C10orf90: variants seen among roughly 807,000 people sequenced by gnomAD.
C10orf90 encodes the protein chromosome 10 open reading frame 90, also known as (E2-independent) E3 ubiquitin-conjugating enzyme FATS.
In C10orf90, 56 loss-of-function variants were observed where a neutral mutation model predicts 62.5. The observed-to-expected ratio is 0.90, with a 90% confidence interval of 0.72 to 1.12. The LOEUF (loss-of-function observed/expected upper bound fraction) is 1.12. Among genes scored for constraint, C10orf90 ranks in the 50% most tolerant of loss-of-function variants. The probability of loss-of-function intolerance (pLI) is 0.00; values close to 1 mark genes in which losing one functional copy is unlikely to be tolerated. For missense variants in C10orf90, 970 were observed against 880.4 expected (o/e 1.10, Z -1.29); for synonymous variants, 386 against 340.4 (o/e 1.13, Z -1.47).
At chr10:126,494,084 AT>A (rs1004633129) in intron 4 of C10orf90, among the ~76,000 whole-genome samples, 2 of 152,312 alleles carry the variant, frequency 1.3e-5, no homozygotes, top group African/African-American at 4.8e-5. Context: ...ACTCAAAGTC[AT>A]TTGTTCACTA....
intron 1 of C10orf90, among the ~76,000 whole-genome samples, chr10:126,662,621 A>G (rs938743213): frequency 3.3e-5 from 5 of 152,080 alleles, no homozygotes; most frequent in Admixed American, 6.5e-5. Flanking sequence ...TCTGCCTAAA[A>G]TGTCCTCCCC....
chr10:126,542,113 G>C, intron 2 of C10orf90, among the ~76,000 whole-genome samples: 1 of 152,156 alleles, frequency 6.6e-6, no homozygotes, highest in African/African-American at 2.4e-5. Context: ...GTCCAGAGTA[G>C]GTAAATTTAC....
chr10:126,665,801 T>C (rs1187592271), intron 1 of C10orf90, among the ~76,000 whole-genome samples: 1 of 152,150 alleles, frequency 6.6e-6, no homozygotes, highest in Non-Finnish European at 1.5e-5. Flanking sequence ...GAGGCCAATG[T>C]AGCTGGAATT....
At chr10:126,653,937 A>G (rs1202145141) in intron 1 of C10orf90, among the ~76,000 whole-genome samples, 1 of 152,222 alleles carries the variant, frequency 6.6e-6, no homozygotes, top group Non-Finnish European at 1.5e-5. Context: ...AACTGGGTAC[A>G]TTGTCAATGA....
At position 126,447,946 on chromosome 10, in the gene C10orf90, G is replaced by C. The variant is rs185679501; in HGVS notation, c.2188+11094C>G. ...GGCTCAGTGCAACCTCCGCCTCCGGGGTTCAAGTGACTCTCCTGCCTCAGC... is the reference window on the plus strand; with the variant it reads ...GGCTCAGTGCAACCTCCGCCTCCGGCGTTCAAGTGACTCTCCTGCCTCAGC... On this transcript the variant is annotated intron_variant, in intron 7 of 9. Transcript: ENST00000488181. Among the ~76,000 whole-genome samples, 6 of 151,900 alleles carry C rather than the reference G, an allele frequency of 3.9e-5. No individual in the cohort carries two copies. In the East Asian group the frequency reaches 1.2e-3, roughly 29 times the overall value.
chr10:126,545,974 A>G (rs1864480403), intron 2 of C10orf90, among the ~76,000 whole-genome samples: 1 of 152,202 alleles, frequency 6.6e-6, no homozygotes, highest in Non-Finnish European at 1.5e-5. Flanking sequence ...GAGAGGAGAA[A>G]GACTAGCTAT....
chr10:126,603,978 G>A (rs4962578), intron 2 of C10orf90, among the ~76,000 whole-genome samples: 29,046 of 152,076 alleles, frequency 0.19, 2,915 homozygotes, highest in South Asian at 0.34. Context: ...ACTCAAGCTC[G>A]TCAAAAGTGG....
At chr10:126,534,080 C>A (rs1864171905) in intron 2 of C10orf90, among the ~76,000 whole-genome samples, 1 of 152,188 alleles carries the variant, frequency 6.6e-6, no homozygotes, top group Non-Finnish European at 1.5e-5. Context: ...ATCTGCTCTT[C>A]CCTGTCCTCC....
At chr10:126,580,616 GCAC>G (rs1844727451) in intron 2 of C10orf90, among the ~76,000 whole-genome samples, 1 of 147,968 alleles carries the variant, frequency 6.8e-6, no homozygotes, top group African/African-American at 2.5e-5. Flanking sequence ...TTGTGCCACT[GCAC>G]TCCAGCCTGG....
At chr10:126,555,522 AC>A (rs1192304601) in intron 2 of C10orf90, among the ~76,000 whole-genome samples, 4 of 8,950 alleles carry the variant, frequency 4.5e-4, no homozygotes, top group Non-Finnish European at 6.7e-4. Flanking sequence ...AAAAAAAAAA[AC>A]AAAAAATTAG....
intron 2 of C10orf90, among the ~76,000 whole-genome samples, chr10:126,613,539 C>T (rs1407995742): frequency 6.6e-6 from 1 of 152,204 alleles, no homozygotes; most frequent in Admixed American, 6.5e-5. Flanking sequence ...AGCCACCATG[C>T]CCGGCCTCAG....
intron 2 of C10orf90, among the ~76,000 whole-genome samples, chr10:126,521,711 A>T (rs1033249697): frequency 2.0e-5 from 3 of 152,226 alleles, no homozygotes; most frequent in Non-Finnish European, 4.4e-5. Flanking sequence ...ACTTGTTACC[A>T]ATTTTTTTAC....
intron 2 of C10orf90, among the ~76,000 whole-genome samples, chr10:126,564,830 C>A (rs1384454912): frequency 7.2e-4 from 4 of 5,544 alleles, no homozygotes; most frequent in Non-Finnish European, 9.0e-4. Context: ...GACTCTCTCT[C>A]TCTATATATA....
chr10:126,516,576 C>T lies in C10orf90; in HGVS notation c.314-2637G>A, dbSNP rs116226008. 1.4e-3 allele frequency among the ~76,000 whole-genome samples: 207 copies of T among 152,324 alleles called. 2 individuals are homozygous for T. Among genetic ancestry groups the T allele is most frequent in the South Asian group, 4.6e-3 (22 of 4,830 alleles). ...CATAACCAGCCCTTAGTGCAATGCT[C>T]AGAACATAACAACATACAGTAAACA... On this transcript the variant is annotated intron_variant, in intron 2 of 9. Coordinates refer to ENST00000488181, the MANE Select transcript of C10orf90 (RefSeq NM_001350921.2).
chr10:126,521,175 T>C (rs1863723174), intron 2 of C10orf90: 1 of 1,054,600 alleles, frequency 9.5e-7, no homozygotes, highest in African/African-American at 1.6e-5. Context: ...GATACCTGGT[T>C]CATCTCCTTT....
In C10orf90 at chr10:126,642,518, C is replaced by A. The variant is rs547210578; in HGVS notation, c.313+4047G>T. 4.3e-4 allele frequency among the ~76,000 whole-genome samples: 65 copies of A among 151,922 alleles called. 2 individuals carry two copies. In the South Asian group the frequency reaches 0.012, roughly 29 times the overall value. On this transcript the variant is annotated intron_variant, in intron 2 of 9. Coordinates refer to ENST00000488181, the MANE Select transcript of C10orf90 (RefSeq NM_001350921.2). ...CTGCACTCCAGCCTGGGCGACAGAGCGAGACTCCATCTCAAAAAAAAAATA... is the reference window on the plus strand; with the variant it reads ...CTGCACTCCAGCCTGGGCGACAGAGAGAGACTCCATCTCAAAAAAAAAATA...
At position 126,565,365 on chromosome 10, in the gene C10orf90, T is replaced by A. The variant is rs1369023753; in HGVS notation, c.314-51426A>T. On this transcript the variant is annotated intron_variant, in intron 2 of 9. Transcript: ENST00000488181. ...ATAATATATAATATATAATATATAT[T>A]ATTTTATATAATAATATATATTATA... Among the ~76,000 whole-genome samples the A allele has an allele frequency of 5.2e-3, 410 of 78,800 alleles. 4 individuals are homozygous for A. Among genetic ancestry groups the A allele is most frequent in the African/African-American group, 0.019 (346 of 18,578 alleles). The allele number at this position is 78,800 out of a possible 152,430, so 51.7% of individuals were successfully genotyped here.
At chr10:126,592,912 A>G (rs1479115120) in intron 2 of C10orf90, among the ~76,000 whole-genome samples, 3 of 152,232 alleles carry the variant, frequency 2.0e-5, no homozygotes, top group African/African-American at 7.2e-5. Flanking sequence ...GAAGACATTC[A>G]TGCAGCCAAC....
intron 2 of C10orf90, among the ~76,000 whole-genome samples, chr10:126,588,608 A>C (rs1844920254): frequency 6.6e-6 from 1 of 152,188 alleles, no homozygotes; most frequent in African/African-American, 2.4e-5. Flanking sequence ...GAGTGGCCTG[A>C]CTATTAAAAG....
Sources: allele counts gnomAD v4.1 joint callset (sites outside exome capture counted in the v4.1 genomes callset), GRCh38; gene constraint gnomAD v4.1.1; transcripts MANE v1.5; gene names NCBI Gene and HGNC (gene_info 2026-07-23, HGNC 2026-07-21).